SPOCK3: variants seen among roughly 807,000 people sequenced by gnomAD.
The protein encoded by SPOCK3 is testican-3.
In SPOCK3, 30 loss-of-function variants were observed where a neutral mutation model predicts 56.6. That is an observed-to-expected ratio of 0.53 (90% CI 0.40 to 0.72). The LOEUF (loss-of-function observed/expected upper bound fraction) is 0.72. Ranked by LOEUF, SPOCK3 falls within the 30% of genes least tolerant of loss-of-function variation. The probability of loss-of-function intolerance (pLI) is 0.00; values close to 1 mark genes in which losing one functional copy is unlikely to be tolerated. For missense variants in SPOCK3, 527 were observed against 530.0 expected (o/e 0.99, Z 0.06); for synonymous variants, 196 against 183.3 (o/e 1.07, Z -0.56).
intron 5 of SPOCK3, among the ~76,000 whole-genome samples, chr4:166,897,015 G>C (rs963127832): frequency 6.6e-6 from 1 of 152,090 alleles, no homozygotes; most frequent in African/African-American, 2.4e-5. Context: ...CAATTACTAA[G>C]AGTACTAAAA....
chr4:167,123,746 T>C lies in SPOCK3; in HGVS notation c.190-61209A>G, dbSNP rs552248518. On this transcript the variant is annotated intron_variant, in intron 2 of 10. Transcript: ENST00000357545. Reference sequence around the variant, plus strand: ...CCAACAAGACATTTCTTTTCTTTTTTTTTTTTTTTTTTTTTAAGACTGAGT... The same window carrying C: ...CCAACAAGACATTTCTTTTCTTTTTCTTTTTTTTTTTTTTTAAGACTGAGT... 8.4e-4 allele frequency among the ~76,000 whole-genome samples: 126 copies of C among 149,666 alleles called. 2 individuals carry two copies. The Middle Eastern group carries it at 0.01, about 12-fold the overall frequency.
intron 7 of SPOCK3, among the ~76,000 whole-genome samples, chr4:166,764,265 T>C (rs929613583): frequency 2.0e-5 from 3 of 152,286 alleles, no homozygotes; most frequent in African/African-American, 4.8e-5. Context: ...TATGTATACA[T>C]GTACCATGTT....
intron 2 of SPOCK3, among the ~76,000 whole-genome samples, chr4:167,162,119 T>C (rs2150442983): frequency 6.6e-6 from 1 of 152,138 alleles, no homozygotes; most frequent in South Asian, 2.1e-4. Flanking sequence ...TTATGAACAT[T>C]AGGTCATACC....
chr4:167,203,201 T>C (rs2110942055), intron 2 of SPOCK3, among the ~76,000 whole-genome samples: 1 of 152,114 alleles, frequency 6.6e-6, no homozygotes. Context: ...GTAGTATTAC[T>C]ACAGTAATAT....
intron 2 of SPOCK3, among the ~76,000 whole-genome samples, chr4:167,071,758 A>G (rs1398624818): frequency 3.9e-5 from 6 of 152,064 alleles, no homozygotes; most frequent in Non-Finnish European, 8.8e-5. Flanking sequence ...TCGCTGGGTC[A>G]AATGGTATTT....
chr4:167,098,847 C>T (rs1261926032), intron 2 of SPOCK3, among the ~76,000 whole-genome samples: 2 of 152,024 alleles, frequency 1.3e-5, no homozygotes, highest in African/African-American at 2.4e-5. Flanking sequence ...TCCAAAAAGC[C>T]TCTCCAGATT....
chr4:166,841,542 T>A (rs1747333196), intron 6 of SPOCK3, among the ~76,000 whole-genome samples: 1 of 152,248 alleles, frequency 6.6e-6, no homozygotes. Context: ...AGTTTTCTTG[T>A]ACTTTCTAGC....
At chr4:167,135,634 A>G (rs946235109) in intron 2 of SPOCK3, among the ~76,000 whole-genome samples, 9 of 151,252 alleles carry the variant, frequency 6.0e-5, no homozygotes, top group Non-Finnish European at 8.8e-5. Flanking sequence ...ACAATGTCTC[A>G]CCATTTTTTT....
intron 4 of SPOCK3, among the ~76,000 whole-genome samples, chr4:166,939,214 T>C (rs1179454560): frequency 2.0e-5 from 3 of 152,102 alleles, no homozygotes; most frequent in African/African-American, 4.8e-5. Context: ...ATGGAATTGA[T>C]GGGAATGAAA....
intron 2 of SPOCK3, among the ~76,000 whole-genome samples, chr4:167,195,648 T>C (rs1732872119): frequency 6.6e-6 from 1 of 152,082 alleles, no homozygotes. Context: ...ACCCAAAGTG[T>C]GGGTGTGTAT....
At chr4:167,184,411 T>C (rs149166364) in intron 2 of SPOCK3, among the ~76,000 whole-genome samples, 1,616 of 152,282 alleles carry the variant, frequency 0.011, 17 homozygotes, top group Non-Finnish European at 0.012. Flanking sequence ...TACTCTGTCG[T>C]ATCCAGCAAA....
chr4:166,947,753 C>T (rs28723476), intron 4 of SPOCK3, among the ~76,000 whole-genome samples: 7,620 of 152,034 alleles, frequency 0.05, 618 homozygotes, highest in African/African-American at 0.17. Context: ...GTCATAATTG[C>T]ACGGATTCAT....
At chr4:167,158,372 C>T (rs1580465817) in intron 2 of SPOCK3, among the ~76,000 whole-genome samples, 1 of 151,926 alleles carries the variant, frequency 6.6e-6, no homozygotes, top group South Asian at 2.1e-4. Context: ...AAATGTCATG[C>T]CTGGCCATCA....
intron 2 of SPOCK3, among the ~76,000 whole-genome samples, chr4:167,218,130 T>G: frequency 6.6e-6 from 1 of 152,098 alleles, no homozygotes. Context: ...CTTTCTTATG[T>G]TTCTAACATG....
At chr4:166,788,113 C>T (rs1359541152) in intron 7 of SPOCK3, among the ~76,000 whole-genome samples, 1 of 151,994 alleles carries the variant, frequency 6.6e-6, no homozygotes, top group African/African-American at 2.4e-5. Context: ...ACCCAGGAGG[C>T]GGAGGTTGCA....
chr4:167,225,692 TAGAC>T (rs1332017783), intron 2 of SPOCK3, among the ~76,000 whole-genome samples: 1 of 151,926 alleles, frequency 6.6e-6, no homozygotes, highest in Non-Finnish European at 1.5e-5. Context: ...CAAAACCTGA[TAGAC>T]AGTGCAACTC....
chr4:166,979,016 G>A (rs141262685), intron 4 of SPOCK3, among the ~76,000 whole-genome samples: 1 of 152,194 alleles, frequency 6.6e-6, no homozygotes, highest in East Asian at 1.9e-4. Flanking sequence ...ATTACAATAA[G>A]AACAATCATA....
intron 2 of SPOCK3, among the ~76,000 whole-genome samples, chr4:167,068,864 A>G (rs1337280516): frequency 1.3e-5 from 2 of 152,068 alleles, no homozygotes; most frequent in East Asian, 1.9e-4. Flanking sequence ...AAACCTATTC[A>G]AAGCATGATG....
chr4:167,150,078 T>C (rs1468288988), intron 2 of SPOCK3, among the ~76,000 whole-genome samples: 2 of 152,154 alleles, frequency 1.3e-5, no homozygotes, highest in African/African-American at 4.8e-5. Context: ...TGTAACTAAT[T>C]TTATTTTTCA....
Sources: allele counts gnomAD v4.1 joint callset (sites outside exome capture counted in the v4.1 genomes callset), GRCh38; gene constraint gnomAD v4.1.1; transcripts MANE v1.5; gene names NCBI Gene and HGNC (gene_info 2026-07-23, HGNC 2026-07-21).